RBPJ: variants seen among roughly 807,000 people sequenced by gnomAD.
RBPJ encodes recombination signal binding protein for immunoglobulin kappa J region, also known as recombining binding protein suppressor of hairless.
In RBPJ, 9 loss-of-function variants were observed where a neutral mutation model predicts 67.8. That is an observed-to-expected ratio of 0.13 (90% CI 0.08 to 0.23). The LOEUF is 0.23. RBPJ is among the 10% of genes least tolerant of loss of function. The pLI, the probability that RBPJ is intolerant of heterozygous loss-of-function variation, is 1.00. For synonymous variants in RBPJ, 198 were observed against 203.3 expected (o/e 0.97, Z 0.22); for missense variants, 305 against 595.6 (o/e 0.51, Z 5.08).
At chr4:26,320,837 C>T (rs1483763057), upstream of RBPJ, 2 of 1,563,800 alleles carry the variant, frequency 1.3e-6, no homozygotes, top group Non-Finnish European at 1.7e-6. Context: ...GGGAAGGCAG[C>T]GAGCAGGATC....
At chr4:26,299,207 T>G (rs186910118) in intron 1 of RBPJ, among the ~76,000 whole-genome samples, 37 of 152,362 alleles carry the variant, frequency 2.4e-4, no homozygotes, top group Admixed American at 2.0e-3. Flanking sequence ...AAGTTTAATA[T>G]GATGATATCC....
chr4:26,398,653 G>A (rs1025828314), intron 2 of RBPJ, among the ~76,000 whole-genome samples: 4 of 152,044 alleles, frequency 2.6e-5, no homozygotes, highest in Admixed American at 6.6e-5. Flanking sequence ...TCGCTCTGTC[G>A]CCCAGGCTGG....
chr4:26,300,950 A>G (rs1345685681), intron 1 of RBPJ, among the ~76,000 whole-genome samples: 1 of 152,240 alleles, frequency 6.6e-6, no homozygotes, highest in African/African-American at 2.4e-5. Flanking sequence ...AATTTAGAAG[A>G]TTACACTGAC....
chr4:26,384,570 C>T (rs1478363768), intron 1 of RBPJ: 4 of 152,152 alleles, frequency 2.6e-5, no homozygotes, highest in Non-Finnish European at 1.5e-5. Flanking sequence ...TCTTCACTGT[C>T]TCAGAAGTTT....
At chr4:26,293,091 G>T (rs1449632050) in intron 1 of RBPJ, among the ~76,000 whole-genome samples, 1 of 150,436 alleles carries the variant, frequency 6.6e-6, no homozygotes, top group Non-Finnish European at 1.5e-5. Context: ...GGGAGAGTAG[G>T]CTGGAAAGGT....
chr4:26,134,038 T>G, the RBPJ span, among the ~76,000 whole-genome samples: 1 of 151,252 alleles, frequency 6.6e-6, no homozygotes, highest in African/African-American at 2.4e-5. Flanking sequence ...TCATTATCCT[T>G]ATGAGTAACC....
chr4:26,364,125 A>T (rs1163442500), intron 1 of RBPJ, among the ~76,000 whole-genome samples: 1 of 152,222 alleles, frequency 6.6e-6, no homozygotes, highest in African/African-American at 2.4e-5. Context: ...TAAATAAATC[A>T]TGGGTAGATA....
In RBPJ at chr4:26,373,347, T is replaced by G. The variant is rs150434275; in HGVS notation, c.21-13006T>G. Among the ~76,000 whole-genome samples the G allele has an allele frequency of 3.1e-3, 465 of 152,358 alleles. 2 individuals are homozygous for G. Among genetic ancestry groups the G allele is most frequent in the African/African-American group, 9.8e-3 (406 of 41,584 alleles). On this transcript the variant is annotated intron_variant, in intron 1 of 10. Transcript: ENST00000355476. Reference sequence around the variant, plus strand: ...AATTTTTTCCTTAGGGGCAGGCTTCTCTGAAGTAGCTTAACCCCTTATAAA... The same window carrying G: ...AATTTTTTCCTTAGGGGCAGGCTTCGCTGAAGTAGCTTAACCCCTTATAAA...
rs964135445 is a variant in RBPJ at position 26,290,330 on chromosome 4, A to G, written c.-166-72116A>G. On this transcript the variant is annotated intron_variant, in intron 1 of 4. Coordinates refer to the RBPJ transcript ENST00000512351. The stretch of plus-strand genomic sequence containing the variant: ...CGAGACCCTGTCTAAAAAAAAAAAA[A>G]AAAAAAAGTAAAAAAAGTTAGACCG... Among the ~76,000 whole-genome samples, 19 of 149,536 alleles carry G rather than the reference A, an allele frequency of 1.3e-4. 2 individuals carry two copies. Among genetic ancestry groups the G allele is most frequent in the Non-Finnish European group, 2.7e-4 (18 of 67,220 alleles).
chr4:26,199,055 C>T (rs1577463778), intron 1 of RBPJ, among the ~76,000 whole-genome samples: 1 of 152,120 alleles, frequency 6.6e-6, no homozygotes, highest in African/African-American at 2.4e-5. Context: ...CCAACTAAAA[C>T]TCTGCACCCA....
intron 1 of RBPJ, among the ~76,000 whole-genome samples, chr4:26,265,776 C>T (rs187853278): frequency 6.6e-6 from 1 of 152,090 alleles, no homozygotes; most frequent in East Asian, 1.9e-4. Flanking sequence ...CGGTGGCTCA[C>T]GCTTATAATC....
chr4:26,192,517 C>A (rs1717603251), intron 1 of RBPJ, among the ~76,000 whole-genome samples: 2 of 152,052 alleles, frequency 1.3e-5, no homozygotes, highest in Non-Finnish European at 2.9e-5. Context: ...ATTAAAATGG[C>A]CAGTATCTAA....
chr4:26,372,843 G>C (rs1729307493), intron 1 of RBPJ, among the ~76,000 whole-genome samples: 1 of 152,204 alleles, frequency 6.6e-6, no homozygotes, highest in South Asian at 2.1e-4. Context: ...CAAGCCTTGT[G>C]CTCCTGTGCT....
At chr4:26,176,513 C>T (rs1577437861) in intron 1 of RBPJ, among the ~76,000 whole-genome samples, 1 of 152,212 alleles carries the variant, frequency 6.6e-6, no homozygotes, top group East Asian at 1.9e-4. Context: ...CAGTAAACAG[C>T]TGCTGGATGT....
the RBPJ span, among the ~76,000 whole-genome samples, chr4:26,157,112 C>CAAA: frequency 5.3e-5 from 6 of 113,276 alleles, no homozygotes; most frequent in African/African-American, 1.6e-4. Context: ...AACAAACAAA[C>CAAA]AAACAAAAAA....
Position 26,430,581 on chromosome 4 carries a change from T to C in RBPJ, c.1148+59T>C, listed in dbSNP as rs148387267. On this transcript the variant is annotated intron_variant, in intron 10 of 10. Transcript: ENST00000355476. This position sits in a 1 kb window ranked among gnomAD's most constrained non-coding sequence, Gnocchi z 4.1. ...TTGTGAGGGGTGTGGGTACAGGAGA[T>C]TCTTTCCTGGCACTGATTGTAATGT... 14 of 1,516,390 alleles carry C rather than the reference T, an allele frequency of 9.2e-6. No homozygotes were observed. Among genetic ancestry groups the C allele is most frequent in the Non-Finnish European group, 1.3e-5 (14 of 1,109,196 alleles). The allele number at this position is 1,516,390 out of a possible 1,614,324, so 93.9% of individuals were successfully genotyped here.
At position 26,341,630 on chromosome 4, in the gene RBPJ, A is replaced by G. The variant is rs567841634; in HGVS notation, c.20+20582A>G. On this transcript the variant is annotated intron_variant, in intron 1 of 10. Transcript: ENST00000355476. ...CTCCATCTCAAAACAAAACAAAACA[A>G]AACAAAAAAAAACCAAACGAAAACA... Among the ~76,000 whole-genome samples, 35 of 148,376 alleles carry G rather than the reference A, an allele frequency of 2.4e-4. No homozygotes were observed. The East Asian group carries it at 6.0e-3, about 25-fold the overall frequency.
upstream of RBPJ, among the ~76,000 whole-genome samples, chr4:26,316,440 CATATACATTCATATATACATTCAT>C (rs1264449579): frequency 1.5e-5 from 2 of 132,276 alleles, no homozygotes; most frequent in African/African-American, 5.8e-5. Flanking sequence ...TATATACATT[CATATACATTCATATATACATTCAT>C]ATATACATTC....
chr4:26,256,776 A>G (rs901440296), intron 1 of RBPJ, among the ~76,000 whole-genome samples: 1 of 152,220 alleles, frequency 6.6e-6, no homozygotes. Flanking sequence ...CCACATGAAG[A>G]CTTACAATCA....
Sources: gnomAD v4.1 joint callset for allele counts (sites outside exome capture counted in the v4.1 genomes callset) on GRCh38, gnomAD v4.1.1 for gene constraint, Gnocchi (gnomAD v3.1) non-coding constraint, MANE v1.5 for transcripts, NCBI Gene and HGNC (gene_info 2026-07-23, HGNC 2026-07-21) for gene names.